Variants in ACADSB observed in about 807,000 individuals in gnomAD.
ACADSB encodes short/branched chain specific acyl-CoA dehydrogenase, mitochondrial.
Under a neutral mutation model 54.1 loss-of-function variants are expected in ACADSB, and 40 were observed. The observed-to-expected ratio is 0.74, with a 90% confidence interval of 0.57 to 0.96. ACADSB has a LOEUF of 0.96. Among genes scored for constraint, ACADSB ranks in the 40% least tolerant of loss-of-function variants. ACADSB has a pLI of 0.00. For missense variants in ACADSB, 530 were observed against 510.4 expected, an observed-to-expected ratio of 1.04 and a Z score of -0.37; for synonymous variants, 182 against 182.8, an observed-to-expected ratio of 1.00 and a Z score of 0.03.
chr10:123,045,154 T>TAG (rs1850538755), intron 7 of ACADSB, among the ~76,000 whole-genome samples: 34 of 12,780 alleles, frequency 2.7e-3, no homozygotes, highest in African/African-American at 0.01. Flanking sequence ...TATATATATA[T>TAG]ATATATATAT....
chr10:123,056,302 A>G lies in ACADSB; in HGVS notation c.*2537A>G. 1 of 234,340 alleles carries G rather than the reference A, an allele frequency of 4.3e-6. No homozygotes were observed. Among genetic ancestry groups the G allele is most frequent in the Non-Finnish European group, 8.2e-6 (1 of 121,604 alleles). 14.5% of individuals were successfully genotyped at this position (234,340 alleles called of 1,614,324 possible). A position where few individuals can be genotyped will look rare whatever the true frequency, so the allele number is the denominator to read the frequency against. ...GGCCTCAGAATCATGGCGGGAGGTG[A>G]AAAGCACTTCGTACATGGTGGTGGC... On this transcript the variant is annotated 3_prime_UTR_variant, in exon 11 of 11. Coordinates refer to ENST00000358776, the MANE Select transcript of ACADSB (RefSeq NM_001609.4).
chr10:123,051,770 C>A (rs186319735), intron 9 of ACADSB, among the ~76,000 whole-genome samples: 572 of 152,316 alleles, frequency 3.8e-3, no homozygotes, highest in Middle Eastern at 0.01. Flanking sequence ...CATTCCATGG[C>A]TTTAAATTCT....
rs1850713085 is a variant in ACADSB at position 123,056,690 on chromosome 10, C to T, written c.*2925C>T. The stretch of plus-strand genomic sequence containing the variant: ...TAGAGATGAAGAATCTTCCAAGGCT[C>T]ATGCAGTTGCTTAGAATAATCATTA... On this transcript the variant is annotated 3_prime_UTR_variant, in exon 11 of 11. Transcript: ENST00000358776. 6.6e-6 allele frequency: 1 copy of T among 152,186 alleles called. No individual in the cohort carries two copies. The highest frequency in any genetic ancestry group is 1.5e-5 in the Non-Finnish European group (1 of 68,044). 9.4% of individuals were successfully genotyped at this position (152,186 alleles called of 1,614,324 possible).
At chr10:123,051,573 G>T (rs1850634416) in intron 9 of ACADSB, among the ~76,000 whole-genome samples, 1 of 152,120 alleles carries the variant, frequency 6.6e-6, no homozygotes, top group Admixed American at 6.6e-5. Context: ...TCAAGTTCGG[G>T]CAAAGTGAAT....
At chr10:123,013,933 C>T (rs1254473510) in intron 1 of ACADSB, among the ~76,000 whole-genome samples, 1 of 152,208 alleles carries the variant, frequency 6.6e-6, no homozygotes, top group Non-Finnish European at 1.5e-5. Context: ...CCTTGGCCAG[C>T]CTAGAGAAGG....
At chr10:123,048,952 G>A (rs1368921085) in intron 8 of ACADSB, among the ~76,000 whole-genome samples, 3 of 152,246 alleles carry the variant, frequency 2.0e-5, no homozygotes, top group East Asian at 1.9e-4. Flanking sequence ...TCCTGACCTC[G>A]TGATCTGCCC....
At chr10:123,027,109 GT>G (rs1293692130) in intron 1 of ACADSB, among the ~76,000 whole-genome samples, 20 of 152,166 alleles carry the variant, frequency 1.3e-4, no homozygotes, top group Admixed American at 6.5e-5. Flanking sequence ...GAATGGTTTG[GT>G]TTTTGAAAAT....
At chr10:123,040,407 A>G in intron 3 of ACADSB, 59 bp from the exon 4 acceptor site, 1 of 1,407,574 alleles carries the variant, frequency 7.1e-7, no homozygotes, top group Admixed American at 1.7e-5. Flanking sequence ...TGTTCATGCA[A>G]GAAATTTCCC....
chr10:123,053,021 T>TA, intron 9 of ACADSB, 40 bp from the exon 10 acceptor site: 1 of 1,483,614 alleles, frequency 6.7e-7, no homozygotes, highest in South Asian at 1.1e-5. Flanking sequence ...ATGTATAAGT[T>TA]ATGTGGTTTC....
intron 1 of ACADSB, among the ~76,000 whole-genome samples, chr10:123,014,435 A>G (rs1049771746): frequency 1.3e-5 from 2 of 152,222 alleles, no homozygotes; most frequent in East Asian, 1.9e-4. Context: ...CCTGGACTCA[A>G]GTGATCCTCC....
intron 3 of ACADSB, 50 bp downstream of exon 3, chr10:123,037,897 G>A: frequency 7.6e-7 from 1 of 1,308,066 alleles, no homozygotes; most frequent in Non-Finnish European, 1.1e-6. Context: ...TAAATTCAGG[G>A]ACTGTAATGA....
At chr10:123,042,595 C>T (rs1432364583) in intron 5 of ACADSB, among the ~76,000 whole-genome samples, 1 of 151,180 alleles carries the variant, frequency 6.6e-6, no homozygotes, top group Admixed American at 6.6e-5. Flanking sequence ...TGACGGGTGC[C>T]TGCCACCACA....
intron 2 of ACADSB, among the ~76,000 whole-genome samples, chr10:123,036,396 C>A (rs1850399188): frequency 6.6e-6 from 1 of 152,218 alleles, no homozygotes; most frequent in Non-Finnish European, 1.5e-5. Context: ...TAGTAAATTT[C>A]TTTTCCTTTG....
chr10:123,033,179 T>C (rs1403569527), intron 1 of ACADSB, among the ~76,000 whole-genome samples: 1 of 152,202 alleles, frequency 6.6e-6, no homozygotes, highest in African/African-American at 2.4e-5. Context: ...AACTGACTCC[T>C]ACTTCTGAAA....
At chr10:123,036,347 A>C (rs1009468649) in intron 2 of ACADSB, among the ~76,000 whole-genome samples, 4 of 151,466 alleles carry the variant, frequency 2.6e-5, no homozygotes, top group Non-Finnish European at 5.9e-5. Context: ...TCGGCCTCTC[A>C]AAGTGTTGGG....
intron 5 of ACADSB, 125 bp from the exon 6 acceptor site, chr10:123,042,921 G>A: frequency 9.6e-7 from 1 of 1,036,498 alleles, no homozygotes. Context: ...TGCCCATGTT[G>A]CAATTCTGAG....
At chr10:123,038,499 G>A (rs577530638) in intron 3 of ACADSB, among the ~76,000 whole-genome samples, 1 of 152,090 alleles carries the variant, frequency 6.6e-6, no homozygotes, top group African/African-American at 2.4e-5. Context: ...TAGGGGGAGG[G>A]GCTATTAGCA....
At chr10:123,035,942 T>C (rs1029499614) in intron 2 of ACADSB, among the ~76,000 whole-genome samples, 1 of 152,198 alleles carries the variant, frequency 6.6e-6, no homozygotes, top group African/African-American at 2.4e-5. Context: ...ATGTTTTAAG[T>C]TCAGCTGATT....
At chr10:123,031,263 T>C (rs1850322259) in intron 1 of ACADSB, among the ~76,000 whole-genome samples, 1 of 152,228 alleles carries the variant, frequency 6.6e-6, no homozygotes, top group East Asian at 1.9e-4. Flanking sequence ...TTTACCCACA[T>C]CCAAGTTCAT....
Sources: allele counts gnomAD v4.1 joint callset (sites outside exome capture counted in the v4.1 genomes callset), GRCh38; gene constraint gnomAD v4.1.1; transcripts MANE v1.5; gene names NCBI Gene and HGNC (gene_info 2026-07-23, HGNC 2026-07-21).